ANK3: variants seen among roughly 807,000 people sequenced by gnomAD.
The protein encoded by ANK3 is ankyrin-3.
In ANK3, 57 loss-of-function variants were observed where a neutral mutation model predicts 370.9. The ratio of observed to expected loss-of-function variants is 0.15; its 90% confidence interval spans 0.12 to 0.19. The LOEUF (loss-of-function observed/expected upper bound fraction) is 0.19, where lower values mean the gene tolerates loss of function less well. Among genes scored for constraint, ANK3 ranks in the 10% least tolerant of loss-of-function variants. The pLI is 1.00. For synonymous variants in ANK3, 1,929 were observed against 1,946.3 expected, an observed-to-expected ratio of 0.99 and a Z score of 0.23; for missense variants, 4,439 against 5,302.1, an observed-to-expected ratio of 0.84 and a Z score of 5.06.
chr10:60,458,533 T>G (rs990797954), intron 2 of ANK3, among the ~76,000 whole-genome samples: 2 of 152,092 alleles, frequency 1.3e-5, no homozygotes, highest in Non-Finnish European at 2.9e-5. Flanking sequence ...ACAGCAGTAC[T>G]GAGAAAATTC....
In ANK3 at chr10:60,180,614, CCAAAAAAAAA is replaced by C. The variant is rs1591366744; in HGVS notation, c.2184+705_2184+714del. Reference sequence around the variant, plus strand: ...CGTCTCAAAAAAAAAAAAAAAAAAACCAAAAAAAAAACATGTTAGAGTAGATGACACAAAT... The same window carrying C: ...CGTCTCAAAAAAAAAAAAAAAAAAACACATGTTAGAGTAGATGACACAAAT... On this transcript the variant is annotated intron_variant, in intron 18 of 43. Transcript: ENST00000280772. Among the ~76,000 whole-genome samples, 9 of 75,218 alleles carry C rather than the reference CCAAAAAAAAA, an allele frequency of 1.2e-4. No individual in the cohort carries two copies. The East Asian group carries it at 1.6e-3, about 13-fold the overall frequency. The allele number at this position is 75,218 out of a possible 152,430, so 49.3% of individuals were successfully genotyped here.
chr10:60,269,501 A>G (rs1171770424), intron 5 of ANK3, among the ~76,000 whole-genome samples: 1 of 151,910 alleles, frequency 6.6e-6, no homozygotes, highest in Non-Finnish European at 1.5e-5. Context: ...AAATTTAGCC[A>G]TGTGTGGGTG....
chr10:60,112,356 A>AT (rs1590167346), intron 26 of ANK3, among the ~76,000 whole-genome samples: 5 of 151,498 alleles, frequency 3.3e-5, no homozygotes, highest in Non-Finnish European at 5.9e-5. Context: ...CTTGAATCTG[A>AT]TTTTTTCTTT....
intron 7 of ANK3, among the ~76,000 whole-genome samples, chr10:60,242,413 A>C (rs964921162): frequency 2.6e-5 from 4 of 152,204 alleles, no homozygotes; most frequent in African/African-American, 9.7e-5. Flanking sequence ...AATAAAGATG[A>C]CTTTTTACAG....
At chr10:60,313,907 C>T (rs2046873532) in intron 1 of ANK3, among the ~76,000 whole-genome samples, 1 of 151,170 alleles carries the variant, frequency 6.6e-6, no homozygotes, top group Non-Finnish European at 1.5e-5. Flanking sequence ...TTACCCTTGT[C>T]CCTGCCTCTG....
chr10:60,547,548 C>A (rs1031409882), intron 2 of ANK3, among the ~76,000 whole-genome samples: 1 of 151,844 alleles, frequency 6.6e-6, no homozygotes, highest in African/African-American at 2.4e-5. Context: ...TACAGGTATG[C>A]GCCACCACGC....
chr10:60,344,098 T>G (rs1321645469), intron 1 of ANK3, among the ~76,000 whole-genome samples: 1 of 152,224 alleles, frequency 6.6e-6, no homozygotes, highest in Non-Finnish European at 1.5e-5. Flanking sequence ...AAGCAGGCCT[T>G]GCCTGCCCGC....
intron 2 of ANK3, among the ~76,000 whole-genome samples, chr10:60,437,977 T>A (rs2064200873): frequency 1.3e-5 from 2 of 152,162 alleles, no homozygotes; most frequent in Non-Finnish European, 2.9e-5. Flanking sequence ...TTTCTAGCAA[T>A]TATTATATAA....
Position 60,084,666 on chromosome 10 carries a change from T to G in ANK3, c.4010A>C (p.Lys1337Thr). 1 of 1,613,832 alleles carries G rather than the reference T, an allele frequency of 6.2e-7. No individual in the cohort carries two copies. The highest frequency in any genetic ancestry group is 1.1e-5 in the South Asian group (1 of 90,958). ...TTGTTGCTCTAAAGTTTTGTCCACTTTGTCATCTGTCATGCAGAAACATCG... is the reference window on the plus strand; with the variant it reads ...TTGTTGCTCTAAAGTTTTGTCCACTGTGTCATCTGTCATGCAGAAACATCG... ...SLRCFCMTDD[K>T]VDKTLEQQEN... Residue 1337 changes from lysine to threonine, a missense_variant, in exon 32 of 44, where the codon AAA becomes ACA. Physicochemically the swap from Lys to Thr is moderately conservative, Grantham distance 78. Coordinates refer to ENST00000280772, the MANE Select transcript of ANK3 (RefSeq NM_020987.5).
At chr10:60,035,568 A>G in intron 43 of ANK3, among the ~76,000 whole-genome samples, 1 of 151,974 alleles carries the variant, frequency 6.6e-6, no homozygotes, top group South Asian at 2.1e-4. Flanking sequence ...GAGAGCCACA[A>G]AGCTTTTAAA....
intron 23 of ANK3, among the ~76,000 whole-genome samples, chr10:60,153,928 C>G (rs1029201689): frequency 6.6e-6 from 1 of 152,140 alleles, no homozygotes; most frequent in African/African-American, 2.4e-5. Flanking sequence ...TCTCAGAAAC[C>G]TGCTAAACTA....
intron 2 of ANK3, among the ~76,000 whole-genome samples, chr10:60,541,297 T>C (rs1345756040): frequency 6.6e-6 from 1 of 152,024 alleles, no homozygotes; most frequent in Non-Finnish European, 1.5e-5. Flanking sequence ...TTCTGATTTG[T>C]TGGTCTCTAT....
At chr10:60,379,729 G>A (rs974038686) in intron 1 of ANK3, among the ~76,000 whole-genome samples, 2 of 151,992 alleles carry the variant, frequency 1.3e-5, no homozygotes, top group African/African-American at 4.8e-5. Flanking sequence ...GGGAAAGGGA[G>A]GTATAGAGGA....
intron 5 of ANK3, among the ~76,000 whole-genome samples, chr10:60,269,576 C>T (rs1273381097): frequency 6.6e-6 from 1 of 151,704 alleles, no homozygotes; most frequent in South Asian, 2.1e-4. Context: ...ACCCGGGAGG[C>T]GGAGGTTGCA....
At chr10:60,625,324 C>A (rs1019513846) in intron 1 of ANK3, among the ~76,000 whole-genome samples, 1 of 152,100 alleles carries the variant, frequency 6.6e-6, no homozygotes, top group Non-Finnish European at 1.5e-5. Flanking sequence ...GTTGTTTAAG[C>A]CACTGTGCTT....
intron 35 of ANK3, chr10:60,081,724 T>G (rs562120155): frequency 3.5e-6 from 1 of 285,834 alleles, no homozygotes; most frequent in African/African-American, 2.2e-5. Context: ...CATGAAACTT[T>G]CACAAAATGT....
At chr10:60,658,912 A>AAAAGG (rs71018919) in intron 1 of ANK3, among the ~76,000 whole-genome samples, 92,189 of 147,022 alleles carry the variant, frequency 0.63, 29,268 homozygotes, top group South Asian at 0.76. Context: ...GAAAGGAAAG[A>AAAAGG]AAAGGAAAGG....
chr10:60,436,110 TAAAA>T (rs199562501), intron 2 of ANK3, among the ~76,000 whole-genome samples: 3 of 151,230 alleles, frequency 2.0e-5, no homozygotes, highest in African/African-American at 2.4e-5. Flanking sequence ...AATAAATAAA[TAAAA>T]AAAATAAAGT....
chr10:60,052,544 G>A (rs997602154), intron 42 of ANK3, among the ~76,000 whole-genome samples: 1 of 152,052 alleles, frequency 6.6e-6, no homozygotes, highest in Non-Finnish European at 1.5e-5. Context: ...TCACAGACAA[G>A]AATATAGTTG....
Sources: allele counts gnomAD v4.1 joint callset (sites outside exome capture counted in the v4.1 genomes callset), GRCh38; gene constraint gnomAD v4.1.1; transcripts MANE v1.5; gene names NCBI Gene and HGNC (gene_info 2026-07-23, HGNC 2026-07-21).